Variants in DAGLB observed in about 807,000 individuals in gnomAD.
DAGLB encodes the protein diacylglycerol lipase-beta.
A neutral mutation model predicts 72.1 loss-of-function variants in DAGLB; 66 were observed. The observed-to-expected ratio is 0.92, with a 90% CI of 0.75 to 1.12. The LOEUF is 1.12. Ranked by LOEUF, DAGLB falls within the 50% of genes most tolerant of loss-of-function variation. DAGLB has a pLI of 0.00. For missense variants in DAGLB, 1,065 were observed against 884.9 expected, an observed-to-expected ratio of 1.20 and a Z score of -2.58; for synonymous variants, 414 against 359.5, an observed-to-expected ratio of 1.15 and a Z score of -1.71.
At chr7:6,425,850 C>T in intron 7 of DAGLB, 138 bp downstream of exon 7, 1 of 1,410,364 alleles carries the variant, frequency 7.1e-7, no homozygotes, top group Non-Finnish European at 9.4e-7. Flanking sequence ...TGTGGCCCCT[C>T]TGAAATAGTA....
chr7:6,420,265 C>T (rs900437138), intron 9 of DAGLB, among the ~76,000 whole-genome samples: 6 of 151,914 alleles, frequency 3.9e-5, no homozygotes, highest in Non-Finnish European at 7.4e-5. Context: ...CATGGTGAAA[C>T]CCCGTCTCTA....
intron 11 of DAGLB, among the ~76,000 whole-genome samples, chr7:6,415,884 G>C (rs1277355124): frequency 1.3e-5 from 2 of 151,654 alleles, no homozygotes; most frequent in African/African-American, 4.8e-5. Context: ...TCATAAAAAT[G>C]TCTTTAAACA....
chr7:6,427,514 T>C (rs2115267720), intron 6 of DAGLB, among the ~76,000 whole-genome samples: 1 of 152,270 alleles, frequency 6.6e-6, no homozygotes, highest in South Asian at 2.1e-4. Context: ...AAAAATTATC[T>C]GGGTCTGGCA....
At chr7:6,418,751 A>G (rs1583284581) in intron 9 of DAGLB, among the ~76,000 whole-genome samples, 1 of 148,532 alleles carries the variant, frequency 6.7e-6, no homozygotes, top group African/African-American at 2.5e-5. Flanking sequence ...TGCAAGCTCC[A>G]CCTCCCGGGT....
chr7:6,426,455 A>G (rs555497862), intron 6 of DAGLB, among the ~76,000 whole-genome samples: 2 of 152,322 alleles, frequency 1.3e-5, no homozygotes, highest in East Asian at 3.9e-4. Context: ...TTTTCAGTAC[A>G]GATAGAGTTT....
chr7:6,424,736 C>T lies in DAGLB; in HGVS notation c.1140+16G>A, dbSNP rs1784248434. 6.2e-7 allele frequency: 1 copy of T among 1,612,910 alleles called. No individual in the cohort carries two copies. The highest frequency in any genetic ancestry group is 8.5e-7 in the Non-Finnish European group (1 of 1,179,630). On this transcript the variant is annotated intron_variant, in intron 8 of 14. Coordinates refer to ENST00000297056, the MANE Select transcript of DAGLB (RefSeq NM_139179.4). Reference sequence around the variant, plus strand: ...GCACCCACTCCCAGGGCTGGAAAGTCAGGTTCCAACGTTACCTGCAGAGAC... The same window carrying T: ...GCACCCACTCCCAGGGCTGGAAAGTTAGGTTCCAACGTTACCTGCAGAGAC...
At chr7:6,420,174 G>A (rs560863875) in intron 9 of DAGLB, among the ~76,000 whole-genome samples, 5 of 152,106 alleles carry the variant, frequency 3.3e-5, no homozygotes, top group African/African-American at 1.2e-4. Context: ...AGGTGCGGTG[G>A]CTTATGCCTG....
Position 6,432,882 on chromosome 7 carries a change from G to A in DAGLB, c.756C>T (p.Asn252=). 1 of 1,613,934 alleles carries A rather than the reference G, an allele frequency of 6.2e-7. No homozygotes were observed. The highest frequency in any genetic ancestry group is 8.5e-7 in the Non-Finnish European group (1 of 1,180,036). ...LHQQQDNIRN[N]QEPAQVVCHA... ...GGCAGACCACCTGGGCAGGCTCTTG[G>A]TTGTTCCTGATATTGTCCTGTTGCT... Residue 252 remains asparagine, a synonymous_variant, in exon 5 of 15, where the codon AAC becomes AAT. Transcript: ENST00000297056.
intron 5 of DAGLB, 22 bp downstream of exon 5, chr7:6,432,815 C>T (rs750051582): frequency 4.3e-6 from 7 of 1,610,642 alleles, no homozygotes; most frequent in East Asian, 2.2e-5. Context: ...CAGAACTGGA[C>T]ACTCCATGAA....
chr7:6,431,493 C>T lies in DAGLB; in HGVS notation c.802-886G>A, dbSNP rs898170126. On this transcript the variant is annotated intron_variant, in intron 5 of 14. Transcript: ENST00000297056. ...CCTTCAAAGATATGATAAATGTGGCCGGATGCAGTGGCTCACGCCTGTAAT... is the reference window on the plus strand; with the variant it reads ...CCTTCAAAGATATGATAAATGTGGCTGGATGCAGTGGCTCACGCCTGTAAT... Among the ~76,000 whole-genome samples the T allele has an allele frequency of 2.6e-5, 4 of 152,124 alleles. No individual in the cohort carries two copies. In the South Asian group the frequency reaches 6.2e-4, roughly 24 times the overall value.
chr7:6,415,773 A>C (rs1468004457), intron 11 of DAGLB, among the ~76,000 whole-genome samples: 1 of 151,422 alleles, frequency 6.6e-6, no homozygotes. Flanking sequence ...TGAAGCTGGG[A>C]GACGGAGGTT....
chr7:6,425,842 T>C lies in DAGLB; in HGVS notation c.1056+146A>G, dbSNP rs867768339. The C allele has an allele frequency of 1.6e-5, 22 of 1,356,216 alleles. No individual in the cohort carries two copies. In the African/African-American group the frequency reaches 3.1e-4, roughly 19 times the overall value. The allele number at this position is 1,356,216 out of a possible 1,614,324, so 84.0% of individuals were successfully genotyped here. A position where few individuals can be genotyped will look rare whatever the true frequency, so the allele number is the denominator to read the frequency against. On this transcript the variant is annotated intron_variant, in intron 7 of 14. Coordinates refer to ENST00000297056, the MANE Select transcript of DAGLB (RefSeq NM_139179.4). ...ATCTGTGTGGCTCCCCCAGAGTCTG[T>C]GGCCCCTCTGAAATAGTACACAGGA...
At chr7:6,418,262 G>C (rs1312997502) in intron 9 of DAGLB, among the ~76,000 whole-genome samples, 1 of 152,052 alleles carries the variant, frequency 6.6e-6, no homozygotes, top group Non-Finnish European at 1.5e-5. Flanking sequence ...CCAACACTTT[G>C]GGAGGCTGAG....
intron 7 of DAGLB, among the ~76,000 whole-genome samples, chr7:6,425,386 C>T (rs748948825): frequency 1.3e-5 from 2 of 152,188 alleles, no homozygotes; most frequent in Non-Finnish European, 2.9e-5. Context: ...ATTCTCATGC[C>T]TCAGCCTCCC....
At chr7:6,426,589 T>C (rs918590642) in intron 6 of DAGLB, among the ~76,000 whole-genome samples, 1 of 152,150 alleles carries the variant, frequency 6.6e-6, no homozygotes, top group Non-Finnish European at 1.5e-5. Context: ...TTATTAAAGA[T>C]AATACCTCTC....
rs577159090 is a variant in DAGLB, at chr7:6,426,235, C to T, written c.930-121G>A. On this transcript the variant is annotated intron_variant, in intron 6 of 14. Coordinates refer to ENST00000297056, the MANE Select transcript of DAGLB (RefSeq NM_139179.4). ...AGAGCGGACAATTCTCAGGACTTAG[C>T]CTGGCTGACATGGAATGGCTTTTTA... 7 of 1,427,162 alleles carry T rather than the reference C, an allele frequency of 4.9e-6. No individual in the cohort carries two copies. In the South Asian group the frequency reaches 7.6e-5, roughly 16 times the overall value. 88.4% of individuals were successfully genotyped at this position (1,427,162 alleles called of 1,614,324 possible).
Position 6,447,867 on chromosome 7 carries a change from C to A in DAGLB, c.-25G>T. The A allele has an allele frequency of 6.3e-7, 1 of 1,591,304 alleles. No individual in the cohort carries two copies. The highest frequency in any genetic ancestry group is 8.5e-7 in the Non-Finnish European group (1 of 1,171,276). ...TGGCGAAGGTCCCGTAGCTCGCACTCAGGAGAGACCCCGCGCGCCGTTCAC... is the reference window on the plus strand; with the variant it reads ...TGGCGAAGGTCCCGTAGCTCGCACTAAGGAGAGACCCCGCGCGCCGTTCAC... On this transcript the variant is annotated 5_prime_UTR_variant, in exon 1 of 15. Transcript: ENST00000297056.
intron 2 of DAGLB, among the ~76,000 whole-genome samples, chr7:6,437,120 C>A (rs1784685288): frequency 6.7e-6 from 1 of 149,750 alleles, no homozygotes. Context: ...CGCCACTGCA[C>A]TCTAGTCTGG....
intron 13 of DAGLB, chr7:6,412,571 C>T (rs1783764499): frequency 3.6e-6 from 2 of 559,368 alleles, no homozygotes; most frequent in South Asian, 2.1e-5. Flanking sequence ...CAGGCATACA[C>T]CACTGCTCCC....
Sources: allele counts gnomAD v4.1 joint callset (sites outside exome capture counted in the v4.1 genomes callset), GRCh38; gene constraint gnomAD v4.1.1; transcripts MANE v1.5; gene names NCBI Gene and HGNC (gene_info 2026-07-23, HGNC 2026-07-21).